The following BPTF variants were observed in gnomAD, a reference collection of about 807,000 sequenced individuals.
BPTF encodes the protein nucleosome-remodeling factor subunit BPTF.
In BPTF, 18 loss-of-function variants were observed where a neutral mutation model predicts 292.5. The observed-to-expected ratio is 0.06, with a 90% CI of 0.04 to 0.09. The LOEUF (loss-of-function observed/expected upper bound fraction) is 0.09. Among genes scored for constraint, BPTF ranks in the 10% least tolerant of loss-of-function variants. BPTF has a pLI of 1.00. For synonymous variants in BPTF, 1,225 were observed against 1,251.9 expected (o/e 0.98, Z 0.45); for missense variants, 2,726 against 3,498.7 (o/e 0.78, Z 5.57).
intron 25 of BPTF, among the ~76,000 whole-genome samples, chr17:67,964,741 C>A (rs536495846): frequency 6.6e-6 from 1 of 152,128 alleles, no homozygotes; most frequent in Admixed American, 6.5e-5. Context: ...TGGCTCATGC[C>A]TGTAATCCCA....
intron 24 of BPTF, chr17:67,963,257 G>A: frequency 1.4e-6 from 2 of 1,397,618 alleles, no homozygotes; most frequent in Admixed American, 2.7e-5. Context: ...GTGAATCAAG[G>A]CAGGGAAGAC....
chr17:67,863,815 A>T (rs1027666811), intron 2 of BPTF, among the ~76,000 whole-genome samples: 9 of 152,166 alleles, frequency 5.9e-5, no homozygotes, highest in Admixed American at 3.9e-4. Context: ...CTTCATTTCT[A>T]TGGGTTTGTT....
At chr17:67,862,015 G>A (rs1399939595) in intron 2 of BPTF, among the ~76,000 whole-genome samples, 2 of 151,878 alleles carry the variant, frequency 1.3e-5, no homozygotes, top group South Asian at 2.1e-4. Context: ...TCACTCTGTC[G>A]CCCAGGCTGG....
Position 67,940,551 on chromosome 17 carries a change from A to G in BPTF, c.6372A>G (p.Ala2124=). Residue 2124 remains alanine, a synonymous_variant, in exon 19 of 28, where the codon GCA becomes GCG. Coordinates refer to ENST00000306378, the MANE Select transcript of BPTF (RefSeq NM_182641.4). ...STPGQKSLTS[A]TSTSNIQSSA... ...CTGGGCAGAAAAGCTTAACTTCAGC[A>G]ACGTCCACTTCAAATATACAGTCTT... The G allele has an allele frequency of 6.2e-7, 1 of 1,614,118 alleles. No homozygotes were observed. Among genetic ancestry groups the G allele is most frequent in the Middle Eastern group, 1.6e-4 (1 of 6,062 alleles).
intron 13 of BPTF, 88 bp downstream of exon 13, chr17:67,920,231 T>C: frequency 6.9e-7 from 1 of 1,442,988 alleles, no homozygotes; most frequent in Admixed American, 2.2e-5. Flanking sequence ...TTCTTCTCTG[T>C]TCACCTTTTA....
chr17:67,919,973 A>G, intron 12 of BPTF, 42 bp from the exon 13 acceptor site: 1 of 1,568,880 alleles, frequency 6.4e-7, no homozygotes, highest in Non-Finnish European at 8.7e-7. Flanking sequence ...GTCTCTGAGT[A>G]TTTCAGTTGG....
intron 7 of BPTF, among the ~76,000 whole-genome samples, chr17:67,897,341 CAAAAAA>C (rs750678904): frequency 0.017 from 294 of 17,694 alleles, no homozygotes; most frequent in Non-Finnish European, 0.022. Context: ...AACTCTGTCT[CAAAAAA>C]AAAAAAAAAA....
intron 7 of BPTF, among the ~76,000 whole-genome samples, chr17:67,899,395 A>AAGAGGTCT (rs1320128282): frequency 1.3e-5 from 2 of 152,140 alleles, no homozygotes; most frequent in East Asian, 3.8e-4. Context: ...ATTTCACCAA[A>AAGAGGTCT]AGAGGTCTGT....
intron 27 of BPTF, among the ~76,000 whole-genome samples, chr17:67,976,685 C>CAAAA (rs1156404121): frequency 1.3e-3 from 33 of 24,806 alleles, no homozygotes; most frequent in South Asian, 2.1e-3. Flanking sequence ...GACCCTGTCT[C>CAAAA]AAAAAAAAAA....
intron 27 of BPTF, among the ~76,000 whole-genome samples, chr17:67,980,460 C>T (rs567855372): frequency 3.9e-5 from 6 of 152,170 alleles, no homozygotes; most frequent in Non-Finnish European, 7.3e-5. Flanking sequence ...ATTATAAGCC[C>T]CTCTATGCTT....
rs538976960 is a variant in BPTF, at chr17:67,982,406, C to T, written c.*118C>T. The T allele has an allele frequency of 4.0e-5, 39 of 972,792 alleles. No individual in the cohort carries two copies. The highest frequency in any genetic ancestry group is 2.5e-4 in the East Asian group (10 of 39,552). 60.3% of individuals were successfully genotyped at this position (972,792 alleles called of 1,614,324 possible). A position where few individuals can be genotyped will look rare whatever the true frequency, so the allele number is the denominator to read the frequency against. ...TCCTGACAAGACTTGACCTAAACTT[C>T]GTTTTTATTGGTCATAACAGTCCAA... On this transcript the variant is annotated 3_prime_UTR_variant, in exon 28 of 28. Transcript: ENST00000306378.
chr17:67,825,840 T>C lies in BPTF; in HGVS notation c.116T>C (p.Leu39Pro). 9.8e-7 allele frequency: 1 copy of C among 1,015,680 alleles called. No homozygotes were observed. 62.9% of individuals were successfully genotyped at this position (1,015,680 alleles called of 1,614,324 possible). Reference protein sequence around the residue: ...PPPTSGPIGGLRSRHRGSSRG... With the variant: ...PPPTSGPIGGPRSRHRGSSRG... The stretch of plus-strand genomic sequence containing the variant: ...CCCACGTCCGGACCCATCGGGGGGC[T>C]CCGCTCGCGGCACCGCGGCAGCAGC... Residue 39 changes from leucine to proline, a missense_variant, in exon 1 of 28, where the codon CTC becomes CCC. Coordinates refer to ENST00000306378, the MANE Select transcript of BPTF (RefSeq NM_182641.4).
intron 15 of BPTF, among the ~76,000 whole-genome samples, chr17:67,926,419 G>A (rs1423048875): frequency 6.7e-6 from 1 of 149,782 alleles, no homozygotes; most frequent in Non-Finnish European, 1.5e-5. Context: ...CCGCCTCCCG[G>A]GTTCACGCCA....
chr17:67,947,966 A>C (rs2065937265), intron 22 of BPTF, 115 bp from the exon 23 acceptor site: 3 of 1,272,754 alleles, frequency 2.4e-6, no homozygotes, highest in South Asian at 2.8e-5. Context: ...ACCACTCTTG[A>C]CGTTTTCCAG....
At chr17:67,967,228 G>A (rs141791037) in intron 26 of BPTF, among the ~76,000 whole-genome samples, 7 of 147,946 alleles carry the variant, frequency 4.7e-5, no homozygotes, top group Non-Finnish European at 7.4e-5. Flanking sequence ...TACAACCTCC[G>A]CCTCCCAGGT....
intron 11 of BPTF, among the ~76,000 whole-genome samples, chr17:67,916,782 AAAAG>A (rs1375759243): frequency 1.5e-4 from 23 of 151,314 alleles, no homozygotes; most frequent in Non-Finnish European, 3.2e-4. Context: ...AAAAAAAAAA[AAAAG>A]AAAGCATTGC....
chr17:67,929,495 T>C lies in BPTF; in HGVS notation c.6150+8T>C. 1.2e-6 allele frequency: 2 copies of C among 1,613,594 alleles called. No individual in the cohort carries two copies. Among genetic ancestry groups the C allele is most frequent in the Non-Finnish European group, 1.7e-6 (2 of 1,179,746 alleles). ...ACCACAAGCAATTCACAAGTAAGAA[T>C]TCTTACAGACTTATTTGGTTTGATG... On this transcript the variant is annotated splice_region_variant and intron_variant, in intron 17 of 27. Transcript: ENST00000306378.
At chr17:67,840,984 T>C (rs2057510773) in intron 1 of BPTF, among the ~76,000 whole-genome samples, 2 of 152,210 alleles carry the variant, frequency 1.3e-5, no homozygotes, top group South Asian at 4.1e-4. Context: ...CTCTTAACAG[T>C]GTCTTTTTCC....
rs781554427 is a variant in BPTF, at chr17:67,911,558, A to T, written c.3674A>T (p.Asp1225Val). ...GACTCTAAACTAGCCAGTGCAGATG[A>T]TATTGGTACTTTGATCTGTAAGAAC... is the stretch of plus-strand genomic sequence containing the variant. Reference protein sequence around the residue: ...IDDSKLASADDIGTLICKNKK... With the variant: ...IDDSKLASADVIGTLICKNKK... The change falls in exon 11 of 28, where the codon GAT becomes GTT. Residue 1225 changes from aspartate (D) to valine (V), a missense_variant. Coordinates refer to ENST00000306378, the MANE Select transcript of BPTF (RefSeq NM_182641.4). The T allele has an allele frequency of 1.7e-5, 28 of 1,614,144 alleles. 1 individual carries two copies. In the South Asian group the frequency reaches 3.1e-4, roughly 18 times the overall value.
Sources: allele counts gnomAD v4.1 joint callset (sites outside exome capture counted in the v4.1 genomes callset), GRCh38; gene constraint gnomAD v4.1.1; transcripts MANE v1.5; gene names NCBI Gene and HGNC (gene_info 2026-07-23, HGNC 2026-07-21).